The following LAMA4 variants were observed in gnomAD, a reference collection of about 807,000 sequenced individuals.
LAMA4 encodes the protein laminin subunit alpha-4.
Under a neutral mutation model 207.1 loss-of-function variants are expected in LAMA4, and 127 were observed. The ratio of observed to expected loss-of-function variants is 0.61; its 90% CI spans 0.53 to 0.71. LAMA4 has a LOEUF of 0.71. Among genes scored for constraint, LAMA4 ranks in the 30% least tolerant of loss-of-function variants. The pLI, the probability that LAMA4 is intolerant of heterozygous loss-of-function variation, is 0.00. For synonymous variants in LAMA4, 761 were observed against 816.0 expected (o/e 0.93, Z 1.15); for missense variants, 2,093 against 2,246.5 (o/e 0.93, Z 1.38).
At position 112,143,433 on chromosome 6, in the gene LAMA4, C is replaced by T. The variant is rs139303128; in HGVS notation, c.2494-1141G>A. 3.4e-3 allele frequency among the ~76,000 whole-genome samples: 510 copies of T among 152,090 alleles called. 1 individual carries two copies. Among genetic ancestry groups the T allele is most frequent in the Middle Eastern group, 0.024 (7 of 294 alleles). Reference sequence around the variant, plus strand: ...CTGAGTAACTGGGACTACAGGTGTGCGCCACCACGCCCAGCCAATTTTTGT... The same window carrying T: ...CTGAGTAACTGGGACTACAGGTGTGTGCCACCACGCCCAGCCAATTTTTGT... On this transcript the variant is annotated intron_variant, in intron 19 of 38. Coordinates refer to ENST00000230538, the MANE Select transcript of LAMA4 (RefSeq NM_001105206.3).
intron 38 of LAMA4, 68 bp from the exon 39 acceptor site, chr6:112,109,650 G>C (rs1777587359): frequency 6.7e-7 from 1 of 1,491,224 alleles, no homozygotes. Flanking sequence ...ATTACTTCCT[G>C]GTAAAAGTAT....
intron 12 of LAMA4, chr6:112,172,311 T>G (rs782470999): frequency 1.7e-5 from 6 of 345,650 alleles, no homozygotes; most frequent in Non-Finnish European, 3.3e-5. Context: ...GTGCTCTCAG[T>G]ATAAAAAAAG....
chr6:112,254,147 C>G lies in LAMA4; in HGVS notation c.4G>C (p.Ala2Pro). ...ACCGAGCGCCAGGCTGAGCTCAAAG[C>G]CATTTCTCCGCTGACATCCAGTAGT... is the stretch of plus-strand genomic sequence containing the variant. M[A>P]LSSAWRSVLP... is the part of the protein sequence containing the mutation. The change falls in exon 2 of 39, where the codon GCT becomes CCT. Residue 2 changes from alanine (A) to proline (P), a missense_variant. Physicochemically the swap from Ala to Pro is conservative, Grantham distance 27. This residue lies in a region of LAMA4 where 1,704 missense variants were observed against 1,788.4 expected (regional missense o/e 0.95). Coordinates refer to ENST00000230538, the MANE Select transcript of LAMA4 (RefSeq NM_001105206.3). The G allele has an allele frequency of 6.2e-7, 1 of 1,612,834 alleles. No homozygotes were observed. The highest frequency in any genetic ancestry group is 1.1e-5 in the South Asian group (1 of 90,964).
chr6:112,181,908 C>G (rs1028642717), intron 9 of LAMA4, among the ~76,000 whole-genome samples: 1 of 152,032 alleles, frequency 6.6e-6, no homozygotes, highest in Non-Finnish European at 1.5e-5. Flanking sequence ...ACCAACCTGA[C>G]CAACATGGTG....
At chr6:112,205,144 T>C (rs1554353833) in intron 4 of LAMA4, among the ~76,000 whole-genome samples, 1 of 152,178 alleles carries the variant, frequency 6.6e-6, no homozygotes, top group Non-Finnish European at 1.5e-5. Flanking sequence ...CAGCTATCAA[T>C]TACGTAAATA....
At chr6:112,253,608 T>G (rs1371295054) in intron 2 of LAMA4, 1 of 805,140 alleles carries the variant, frequency 1.2e-6, no homozygotes, top group African/African-American at 1.7e-5. Flanking sequence ...ACACGTTAAG[T>G]GCCGTGGCTT....
intron 2 of LAMA4, among the ~76,000 whole-genome samples, chr6:112,229,900 T>G (rs1327887493): frequency 6.6e-6 from 1 of 152,244 alleles, no homozygotes; most frequent in Admixed American, 6.5e-5. Context: ...TCAATTTTGA[T>G]AGGTTTCTCA....
In LAMA4 at chr6:112,117,802, A is replaced by C; in HGVS notation, c.4918T>G (p.Cys1640Gly). 6.2e-7 allele frequency: 1 copy of C among 1,613,890 alleles called. No individual in the cohort carries two copies. The highest frequency in any genetic ancestry group is 1.1e-5 in the South Asian group (1 of 91,084). ...SASQTFSVTP[C>G]FEGPMETGTY... Reference sequence around the variant, plus strand: ...CCTGTTTCCATGGGGCCTTCAAAGCAAGGGGTCACACTGAATGTCTGAGAA... The same window carrying C: ...CCTGTTTCCATGGGGCCTTCAAAGCCAGGGGTCACACTGAATGTCTGAGAA... Residue 1640 changes from cysteine (C) to glycine (G), a missense_variant, in exon 35 of 39, where the codon TGC becomes GGC. Cys to Gly is a radical substitution (Grantham distance 159, BLOSUM62 -3). Around this residue, in one of 3 missense-constraint regions of LAMA4, gnomAD observed 383 missense variants for 437.8 expected, o/e 0.87. Transcript: ENST00000230538. This position sits in a 1 kb window ranked among gnomAD's most constrained non-coding sequence, Gnocchi z 4.5.
intron 12 of LAMA4, among the ~76,000 whole-genome samples, chr6:112,165,708 G>A (rs1223090673): frequency 2.0e-5 from 3 of 152,116 alleles, no homozygotes; most frequent in African/African-American, 7.2e-5. Context: ...ATTTGGACAG[G>A]AACAGAGAAT....
chr6:112,215,888 T>A (rs554498159), intron 3 of LAMA4, among the ~76,000 whole-genome samples: 2 of 152,242 alleles, frequency 1.3e-5, no homozygotes, highest in African/African-American at 4.8e-5. Flanking sequence ...TTCATTTTCA[T>A]CAGCTATTGG....
chr6:112,197,805 C>T (rs1214788115), intron 5 of LAMA4, among the ~76,000 whole-genome samples: 1 of 152,174 alleles, frequency 6.6e-6, no homozygotes, highest in African/African-American at 2.4e-5. Context: ...GCCTTGATGT[C>T]ATGCCACTTG....
intron 31 of LAMA4, among the ~76,000 whole-genome samples, chr6:112,127,024 A>G (rs1310971763): frequency 3.3e-5 from 5 of 152,176 alleles, no homozygotes; most frequent in African/African-American, 1.2e-4. Context: ...AATCTTAACT[A>G]TATGCCTTGT....
chr6:112,136,267 AG>A lies in LAMA4; in HGVS notation c.3283-14del, dbSNP rs782427042. On this transcript the variant is annotated splice_polypyrimidine_tract_variant and intron_variant, in intron 24 of 38. Transcript: ENST00000230538. Reference sequence around the variant, plus strand: ...TGAAAAACATACTCTGAGGAGAGAAAGGAATTGTAAGATAGGAACATCTGTT... The same window carrying A: ...TGAAAAACATACTCTGAGGAGAGAAAGAATTGTAAGATAGGAACATCTGTT... The A allele has an allele frequency of 3.7e-6, 6 of 1,602,320 alleles. No individual in the cohort carries two copies. The South Asian group carries it at 6.6e-5, about 18-fold the overall frequency.
chr6:112,236,489 T>C (rs1785932492), intron 2 of LAMA4: 1 of 152,224 alleles, frequency 6.6e-6, no homozygotes, highest in Admixed American at 6.5e-5. Context: ...CAGTAGTCAT[T>C]GGAAATTCCA....
intron 17 of LAMA4, 150 bp from the exon 18 acceptor site, chr6:112,148,486 C>T (rs938818561): frequency 9.7e-6 from 7 of 718,126 alleles, no homozygotes; most frequent in African/African-American, 3.6e-5. Context: ...TGTGGCTCAC[C>T]GAAAACATTT....
At chr6:112,210,204 C>CTTT (rs56690682) in intron 3 of LAMA4, among the ~76,000 whole-genome samples, 4 of 142,346 alleles carry the variant, frequency 2.8e-5, no homozygotes, top group Non-Finnish European at 6.2e-5. Flanking sequence ...TCAGGTACGT[C>CTTT]TTTTTTTTTT....
At chr6:112,235,671 T>TAA (rs1554365782) in intron 2 of LAMA4, among the ~76,000 whole-genome samples, 8 of 152,240 alleles carry the variant, frequency 5.3e-5, no homozygotes, top group Non-Finnish European at 1.2e-4. Context: ...ATTGTTCATT[T>TAA]TTGAAATAGA....
chr6:112,254,864 A>AT (rs144733233), upstream of LAMA4: 6 of 152,650 alleles, frequency 3.9e-5, no homozygotes, highest in African/African-American at 1.2e-4. Context: ...CCAAAGGTAG[A>AT]TGATCTCTGA....
intron 29 of LAMA4, 102 bp from the exon 30 acceptor site, chr6:112,130,142 CAT>C: frequency 1.0e-6 from 1 of 964,664 alleles, no homozygotes; most frequent in Non-Finnish European, 1.7e-6. Context: ...TGAAATGGAA[CAT>C]GTGGTTAATG....
Sources: gnomAD v4.1 joint callset for allele counts (sites outside exome capture counted in the v4.1 genomes callset) on GRCh38, gnomAD v4.1.1 for gene constraint, gnomAD v4.1.1 regional missense constraint, Gnocchi (gnomAD v3.1) non-coding constraint, MANE v1.5 for transcripts, NCBI Gene and HGNC (gene_info 2026-07-23, HGNC 2026-07-21) for gene names.